The following CCDC91 variants were observed in gnomAD, a reference collection of about 807,000 sequenced individuals.
CCDC91 encodes coiled-coil domain-containing protein 91.
CCDC91 carries 48 observed loss-of-function variants against 63.2 expected under a neutral mutation model. The ratio of observed to expected loss-of-function variants is 0.76; its 90% CI spans 0.60 to 0.97. The LOEUF (loss-of-function observed/expected upper bound fraction) is 0.97, where lower values mean the gene tolerates loss of function less well. CCDC91 is among the 50% of genes least tolerant of loss of function. CCDC91 has a pLI of 0.00. For synonymous variants in CCDC91, 167 were observed against 165.8 expected, an observed-to-expected ratio of 1.01 and a Z score of -0.06; for missense variants, 500 against 494.6, an observed-to-expected ratio of 1.01 and a Z score of -0.10.
chr12:28,418,144 TC>T (rs1193940347), intron 8 of CCDC91, among the ~76,000 whole-genome samples: 3 of 152,106 alleles, frequency 2.0e-5, no homozygotes, highest in Admixed American at 2.0e-4. Context: ...CAGACTATTT[TC>T]CAATGTGGCT....
chr12:28,248,642 G>C (rs1945919287), intron 1 of CCDC91, among the ~76,000 whole-genome samples: 1 of 152,152 alleles, frequency 6.6e-6, no homozygotes, highest in Admixed American at 6.5e-5. Context: ...ACAAGGAATT[G>C]TTTCATTTTG....
At chr12:28,536,757 C>T (rs4293157) in intron 12 of CCDC91, among the ~76,000 whole-genome samples, 1 of 152,202 alleles carries the variant, frequency 6.6e-6, no homozygotes, top group South Asian at 2.1e-4. Flanking sequence ...ACAAATTTTC[C>T]TAAATGATGA....
chr12:28,542,655 A>G (rs1264900626), intron 12 of CCDC91, among the ~76,000 whole-genome samples: 1 of 152,074 alleles, frequency 6.6e-6, no homozygotes, highest in African/African-American at 2.4e-5. Flanking sequence ...AGTCCAAATT[A>G]TTCTTAACAT....
intron 1 of CCDC91, among the ~76,000 whole-genome samples, chr12:28,241,231 G>A (rs544095708): frequency 6.6e-6 from 1 of 152,068 alleles, no homozygotes; most frequent in African/African-American, 2.4e-5. Flanking sequence ...CTATTGAAAA[G>A]AACATGCTTT....
At chr12:28,289,050 G>A in intron 3 of CCDC91, among the ~76,000 whole-genome samples, 1 of 151,934 alleles carries the variant, frequency 6.6e-6, no homozygotes, top group East Asian at 1.9e-4. Flanking sequence ...GTTTCTAATT[G>A]TGTTTATTTG....
At chr12:28,325,143 A>C (rs1249100521) in intron 6 of CCDC91, among the ~76,000 whole-genome samples, 2 of 152,030 alleles carry the variant, frequency 1.3e-5, no homozygotes, top group Admixed American at 1.3e-4. Context: ...TGTTTGAAGA[A>C]AGATATTAGA....
chr12:28,477,978 A>G (rs1951208519), intron 11 of CCDC91, among the ~76,000 whole-genome samples: 1 of 152,218 alleles, frequency 6.6e-6, no homozygotes, highest in Non-Finnish European at 1.5e-5. Context: ...AAACAAATGG[A>G]ACAACATTCC....
In CCDC91 at chr12:28,194,615, G is replaced by A. The variant is rs142240856; in HGVS notation, c.-15+3974G>A. Among the ~76,000 whole-genome samples the A allele has an allele frequency of 5.3e-3, 807 of 151,540 alleles. 7 individuals are homozygous for A. Among genetic ancestry groups the A allele is most frequent in the African/African-American group, 0.019 (782 of 40,938 alleles). On this transcript the variant is annotated intron_variant, in intron 1 of 12. Transcript: ENST00000536442. ...TGGGTTTGTGGCCTTGCTGGCTTCA[G>A]GAGTGAAGCTGCATCCGAAATTGTT... is the stretch of plus-strand genomic sequence containing the variant.
At chr12:28,276,775 A>G (rs1948259578) in intron 3 of CCDC91, among the ~76,000 whole-genome samples, 1 of 151,978 alleles carries the variant, frequency 6.6e-6, no homozygotes, top group Admixed American at 6.6e-5. Flanking sequence ...CCCATTGTGA[A>G]TATTAGTTAA....
chr12:28,500,171 C>T (rs150680649), intron 12 of CCDC91, among the ~76,000 whole-genome samples: 2,826 of 148,558 alleles, frequency 0.019, 54 homozygotes, highest in African/African-American at 0.051. Flanking sequence ...TCGTATCCTT[C>T]GCCCACTTTT....
chr12:28,294,590 CTT>C (rs548153843), intron 3 of CCDC91, among the ~76,000 whole-genome samples: 2 of 146,992 alleles, frequency 1.4e-5, no homozygotes, highest in Non-Finnish European at 1.5e-5. Flanking sequence ...CCTGCTTCCT[CTT>C]TTTTTTTTTG....
intron 8 of CCDC91, among the ~76,000 whole-genome samples, chr12:28,447,713 A>AAGGGC (rs758786357): frequency 0.11 from 6,191 of 58,908 alleles, 1,242 homozygotes; most frequent in Non-Finnish European, 0.14. Flanking sequence ...GAAGAATGGG[A>AAGGGC]AGGGCAGGGC....
intron 1 of CCDC91, among the ~76,000 whole-genome samples, chr12:28,219,825 A>G (rs1264039479): frequency 3.9e-5 from 6 of 152,138 alleles, no homozygotes; most frequent in Admixed American, 6.6e-5. Flanking sequence ...GGAGATATGT[A>G]TACATTTGAA....
rs114786811 is a variant in CCDC91 at position 28,338,610 on chromosome 12, T to G, written c.577-23828T>G. ...CCAAGGTAAGGATTTTGGATTTTAC[T>G]CTTATTGACGTAGAAAGCTATTTTA... On this transcript the variant is annotated intron_variant, in intron 6 of 12. Transcript: ENST00000536442. Among the ~76,000 whole-genome samples the G allele has an allele frequency of 2.2e-3, 329 of 152,130 alleles. 3 individuals carry two copies. The highest frequency in any genetic ancestry group is 7.5e-3 in the African/African-American group (311 of 41,486).
At chr12:28,547,894 T>A (rs1943097309) in intron 12 of CCDC91, among the ~76,000 whole-genome samples, 1 of 152,168 alleles carries the variant, frequency 6.6e-6, no homozygotes, top group Admixed American at 6.6e-5. Flanking sequence ...TTGTGGGGGA[T>A]GCAGGGGCTT....
intron 3 of CCDC91, among the ~76,000 whole-genome samples, chr12:28,285,737 CTTA>C (rs1948878614): frequency 6.8e-6 from 1 of 146,566 alleles, no homozygotes. Flanking sequence ...TCTGATTGAT[CTTA>C]TTATTTATCT....
chr12:28,213,599 C>G (rs1248077860), intron 1 of CCDC91, among the ~76,000 whole-genome samples: 1 of 152,178 alleles, frequency 6.6e-6, no homozygotes, highest in African/African-American at 2.4e-5. Flanking sequence ...TGTTCTTATT[C>G]CTGCTGGAGT....
At chr12:28,330,718 T>G (rs906488308) in intron 6 of CCDC91, among the ~76,000 whole-genome samples, 4 of 152,180 alleles carry the variant, frequency 2.6e-5, no homozygotes, top group African/African-American at 4.8e-5. Context: ...TAAGCAACAT[T>G]GAGGTGGCTG....
At chr12:28,286,362 C>T (rs1306160322) in intron 3 of CCDC91, among the ~76,000 whole-genome samples, 1 of 152,118 alleles carries the variant, frequency 6.6e-6, no homozygotes, top group Non-Finnish European at 1.5e-5. Context: ...CTTCTCCCTC[C>T]TCCCACCCTC....
Sources: allele counts gnomAD v4.1 joint callset (sites outside exome capture counted in the v4.1 genomes callset), GRCh38; gene constraint gnomAD v4.1.1; transcripts MANE v1.5; gene names NCBI Gene and HGNC (gene_info 2026-07-23, HGNC 2026-07-21).